Variants in PALM2AKAP2 observed in about 807,000 individuals in gnomAD.
PALM2AKAP2 encodes the protein PALM2-AKAP2 fusion protein.
PALM2AKAP2 carries 37 observed loss-of-function variants against 71.5 expected under a neutral mutation model. That is an observed-to-expected ratio of 0.52 (90% CI 0.40 to 0.68). The LOEUF is 0.68. PALM2AKAP2 is among the 30% of genes least tolerant of loss of function. PALM2AKAP2 has a pLI of 0.00. For synonymous variants in PALM2AKAP2, 468 were observed against 478.8 expected (o/e 0.98, Z 0.29); for missense variants, 1,224 against 1,191.8 (o/e 1.03, Z -0.40).
exon 4 of PALM2AKAP2, chr9:110,170,177 G>T (rs1470470103): frequency 1.3e-5 from 2 of 151,744 alleles, no homozygotes; most frequent in Non-Finnish European, 2.9e-5. Context: ...TAAATTTCTG[G>T]ATGAGAAAAT....
chr9:110,128,410 C>G (rs1835665319), intron 1 of PALM2AKAP2, among the ~76,000 whole-genome samples: 1 of 152,222 alleles, frequency 6.6e-6, no homozygotes, highest in Non-Finnish European at 1.5e-5. Flanking sequence ...GAGATACTCT[C>G]TGATTTCACA....
chr9:109,780,813 G>T (rs1829432344), intron 1 of PALM2AKAP2, among the ~76,000 whole-genome samples: 2 of 152,186 alleles, frequency 1.3e-5, no homozygotes, highest in African/African-American at 4.8e-5. Context: ...AGAGGCTTGG[G>T]GTGGGGGGAC....
Position 110,023,305 on chromosome 9 carries a change from C to CTTTTTTTTTTTTTTTTTTT in PALM2AKAP2, c.582+7274_582+7292dup, listed in dbSNP as rs149672913. Among the ~76,000 whole-genome samples, 31 of 74,046 alleles carry CTTTTTTTTTTTTTTTTTTT rather than the reference C, an allele frequency of 4.2e-4. 3 individuals carry two copies. The highest frequency in any genetic ancestry group is 9.6e-3 in the Middle Eastern group (1 of 104). 48.6% of individuals were successfully genotyped at this position (74,046 alleles called of 152,430 possible). On this transcript the variant is annotated intron_variant, in intron 7 of 9. Coordinates refer to the PALM2AKAP2 transcript ENST00000302798. ...GTGAGATGGTATCTCATTGTGGTTT[C>CTTTTTTTTTTTTTTTTTTT]TTTTTTTTTTTTTTTTTTTTTTTTT...
In PALM2AKAP2 at chr9:109,703,428, C is replaced by G. The variant is rs542779720; in HGVS notation, c.5+62562C>G. Among the ~76,000 whole-genome samples, 5 of 152,044 alleles carry G rather than the reference C, an allele frequency of 3.3e-5. No individual in the cohort carries two copies. In the South Asian group the frequency reaches 1.0e-3, roughly 32 times the overall value. ...ATTCAAAATATATTTATTGCATACCCAGTATGTTTCTGGCAATATGTTTTT... is the reference window on the plus strand; with the variant it reads ...ATTCAAAATATATTTATTGCATACCGAGTATGTTTCTGGCAATATGTTTTT... On this transcript the variant is annotated intron_variant, in intron 1 of 6. Transcript: ENST00000374531.
intron 1 of PALM2AKAP2, among the ~76,000 whole-genome samples, chr9:109,817,652 A>T (rs1442844131): frequency 6.6e-6 from 1 of 152,206 alleles, no homozygotes; most frequent in South Asian, 2.1e-4. Flanking sequence ...GCCCAGAGGG[A>T]TGCTCAGAAT....
intron 6 of PALM2AKAP2, among the ~76,000 whole-genome samples, chr9:109,958,682 G>GGGAAGGAGAGGAAGGAGA (rs377213708): frequency 2.6e-5 from 4 of 151,682 alleles, no homozygotes; most frequent in Admixed American, 6.6e-5. Context: ...GATGAAAGAA[G>GGGAAGGAGAGGAAGGAGA]GGAAGGAGAG....
At chr9:109,907,454 C>T (rs1830474321) in intron 3 of PALM2AKAP2, among the ~76,000 whole-genome samples, 1 of 152,192 alleles carries the variant, frequency 6.6e-6, no homozygotes, top group Admixed American at 6.5e-5. Context: ...AACTGCCTGC[C>T]TCTATTTTCA....
At chr9:109,728,679 C>A (rs1282587200) in intron 1 of PALM2AKAP2, among the ~76,000 whole-genome samples, 2 of 152,102 alleles carry the variant, frequency 1.3e-5, no homozygotes, top group Non-Finnish European at 2.9e-5. Context: ...ATATACATAA[C>A]CTTATCCAAG....
intron 7 of PALM2AKAP2, among the ~76,000 whole-genome samples, chr9:110,022,764 T>C (rs1389766364): frequency 2.0e-5 from 3 of 151,718 alleles, no homozygotes; most frequent in Non-Finnish European, 2.9e-5. Context: ...GAGTGTGATG[T>C]TCCCCTTCCT....
At chr9:109,979,493 A>G (rs528088571) in intron 6 of PALM2AKAP2, among the ~76,000 whole-genome samples, 5 of 152,362 alleles carry the variant, frequency 3.3e-5, no homozygotes, top group East Asian at 1.9e-4. Flanking sequence ...GCAGCAATGT[A>G]GTAAACCAAG....
At chr9:109,774,506 A>T (rs1291093201) in intron 1 of PALM2AKAP2, among the ~76,000 whole-genome samples, 2 of 152,230 alleles carry the variant, frequency 1.3e-5, no homozygotes, top group East Asian at 3.8e-4. Context: ...ACACTAAAAG[A>T]TAAGACTGTA....
intron 1 of PALM2AKAP2, chr9:110,090,140 G>A (rs764105736): frequency 1.0e-5 from 3 of 298,746 alleles, no homozygotes; most frequent in South Asian, 2.8e-5. Context: ...CCTTTGAACC[G>A]GAGAAGTCGG....
At chr9:109,964,360 C>T (rs1831905367) in intron 6 of PALM2AKAP2, among the ~76,000 whole-genome samples, 1 of 142,262 alleles carries the variant, frequency 7.0e-6, no homozygotes. Context: ...CAGATTGTGC[C>T]AAATGGGCTA....
At chr9:110,169,099 C>T (rs1232201188) in exon 4 of PALM2AKAP2, 3 of 152,646 alleles carry the variant, frequency 2.0e-5, no homozygotes, top group African/African-American at 7.2e-5. Flanking sequence ...GATCACAATT[C>T]ATAAAATCCA....
At chr9:110,089,065 C>G (rs1834647024) in intron 1 of PALM2AKAP2, among the ~76,000 whole-genome samples, 1 of 152,100 alleles carries the variant, frequency 6.6e-6, no homozygotes, top group African/African-American at 2.4e-5. Context: ...AAAATCAGAT[C>G]CTCAGTCACA....
intron 6 of PALM2AKAP2, 27 bp from the exon 7 acceptor site, chr9:110,015,927 A>C: frequency 6.2e-7 from 1 of 1,603,550 alleles, no homozygotes; most frequent in Non-Finnish European, 8.5e-7. Context: ...GACTTGGCTC[A>C]AATGGCACTT....
intron 1 of PALM2AKAP2, among the ~76,000 whole-genome samples, chr9:109,854,945 C>T (rs1384922194): frequency 1.3e-5 from 2 of 151,152 alleles, no homozygotes; most frequent in Admixed American, 6.6e-5. Context: ...TAATTTTTTG[C>T]ATTTTAGTAG....
At chr9:110,021,192 G>T (rs191294707) in intron 7 of PALM2AKAP2, among the ~76,000 whole-genome samples, 2 of 152,264 alleles carry the variant, frequency 1.3e-5, no homozygotes, top group Admixed American at 1.3e-4. Context: ...CCTTATAAGA[G>T]ACAAAAGAGG....
chr9:110,153,053 C>G (rs1393328075), intron 2 of PALM2AKAP2, among the ~76,000 whole-genome samples: 1 of 152,156 alleles, frequency 6.6e-6, no homozygotes, highest in African/African-American at 2.4e-5. Flanking sequence ...CCTGGAAGCC[C>G]CTGCTCCAGA....
Sources: gnomAD v4.1 joint callset for allele counts (sites outside exome capture counted in the v4.1 genomes callset) on GRCh38, gnomAD v4.1.1 for gene constraint, MANE v1.5 for transcripts, NCBI Gene and HGNC (gene_info 2026-07-23, HGNC 2026-07-21) for gene names.